FAM186A: variants seen among roughly 807,000 people sequenced by gnomAD.
The protein encoded by FAM186A is family with sequence similarity 186 member A, also known as protein FAM186A.
Under a neutral mutation model 216.8 loss-of-function variants are expected in FAM186A, and 163 were observed. The observed-to-expected ratio is 0.75, with a 90% confidence interval of 0.66 to 0.86. FAM186A has a LOEUF of 0.86. Ranked by LOEUF, FAM186A falls within the 40% of genes least tolerant of loss-of-function variation. FAM186A has a pLI of 0.00. For synonymous variants in FAM186A, 805 were observed against 1,025.3 expected (o/e 0.79, Z 4.10); for missense variants, 2,184 against 2,746.2 (o/e 0.80, Z 4.58).
Position 50,353,364 on chromosome 12 carries a change from C to T in FAM186A, c.3468G>A (p.Gly1156=). 1 of 1,534,006 alleles carries T rather than the reference C, an allele frequency of 6.5e-7. No homozygotes were observed. The highest frequency in any genetic ancestry group is 8.8e-7 in the Non-Finnish European group (1 of 1,140,122). Residue 1156 remains glycine, a synonymous_variant, in exon 4 of 8, where the codon GGG becomes GGA. Transcript: ENST00000327337. ...TLTPQQDQAP[G]ISLTTQQAQK... is the part of the protein sequence containing the mutation. ...GAGCCTGCTGAGTGGTGAGAGAGAT[C>T]CCCGGGGCCTGGTCCTGCTGAGGGG...
At chr12:50,346,223 A>G (rs369931435) in intron 4 of FAM186A, among the ~76,000 whole-genome samples, 24,207 of 46,450 alleles carry the variant, frequency 0.52, 5,272 homozygotes, top group South Asian at 0.63. Flanking sequence ...GAGAGAAGGA[A>G]AGAAAGAAAG....
At chr12:50,390,896 C>T (rs1943350719) in intron 1 of FAM186A, among the ~76,000 whole-genome samples, 1 of 152,088 alleles carries the variant, frequency 6.6e-6, no homozygotes, top group African/African-American at 2.4e-5. Context: ...CGCCATGTTG[C>T]CTAGGGTGGT....
chr12:50,364,977 G>T (rs1439318178), intron 1 of FAM186A, among the ~76,000 whole-genome samples: 2 of 145,864 alleles, frequency 1.4e-5, no homozygotes, highest in Non-Finnish European at 3.0e-5. Context: ...GGTAAAGGTT[G>T]CAGTGAGCCG....
At chr12:50,377,096 T>C (rs1226073409) in intron 1 of FAM186A, among the ~76,000 whole-genome samples, 1 of 151,598 alleles carries the variant, frequency 6.6e-6, no homozygotes, top group Non-Finnish European at 1.5e-5. Context: ...CTTCTGGAAG[T>C]GGAAAAAACA....
At chr12:50,340,285 T>C (rs1334397772) in intron 4 of FAM186A, among the ~76,000 whole-genome samples, 1 of 152,182 alleles carries the variant, frequency 6.6e-6, no homozygotes, top group African/African-American at 2.4e-5. Flanking sequence ...GATATAATCA[T>C]CTCTTTGTGT....
intron 1 of FAM186A, among the ~76,000 whole-genome samples, chr12:50,383,274 A>G (rs1364207195): frequency 3.3e-4 from 34 of 103,620 alleles, no homozygotes; most frequent in South Asian, 6.8e-4. Flanking sequence ...AAAAAAAAAA[A>G]AAAAAGAGAG....
At chr12:50,331,260 G>A (rs1351535717) in intron 6 of FAM186A, among the ~76,000 whole-genome samples, 1 of 150,314 alleles carries the variant, frequency 6.7e-6, no homozygotes, top group Non-Finnish European at 1.5e-5. Context: ...CTTTTTTTTT[G>A]AGACAGAGTT....
chr12:50,369,633 G>A (rs1016842771), intron 1 of FAM186A, among the ~76,000 whole-genome samples: 15 of 151,976 alleles, frequency 9.9e-5, no homozygotes, highest in Non-Finnish European at 2.2e-4. Context: ...TCCACTAAGG[G>A]TTAATATCCA....
rs142109911 is a variant in FAM186A, at chr12:50,395,465, T to G, written c.192+828A>C. Among the ~76,000 whole-genome samples, 520 of 152,110 alleles carry G rather than the reference T, an allele frequency of 3.4e-3. 5 individuals carry two copies. The highest frequency in any genetic ancestry group is 1.0e-2 in the African/African-American group (414 of 41,526). On this transcript the variant is annotated intron_variant, in intron 1 of 7. Transcript: ENST00000327337. ...GGGGGTCTATTAGATTCTTATGTAT[T>G]TATTTATTTATTTATTTTTCTAAAA... is the stretch of plus-strand genomic sequence containing the variant.
chr12:50,345,861 C>T (rs1298604552), intron 4 of FAM186A, among the ~76,000 whole-genome samples: 1 of 151,840 alleles, frequency 6.6e-6, no homozygotes, highest in Non-Finnish European at 1.5e-5. Context: ...ATGAATTTTA[C>T]AATAGTTTTT....
chr12:50,392,037 C>A (rs1943361530), intron 1 of FAM186A, among the ~76,000 whole-genome samples: 1 of 150,558 alleles, frequency 6.6e-6, no homozygotes, highest in Non-Finnish European at 1.5e-5. Flanking sequence ...AAGTGAAAGA[C>A]GTGAGGCAGA....
At chr12:50,374,087 T>C (rs1348265082) in intron 1 of FAM186A, among the ~76,000 whole-genome samples, 1 of 138,180 alleles carries the variant, frequency 7.2e-6, no homozygotes, top group African/African-American at 2.7e-5. Context: ...CACTCATAGG[T>C]GGGAACTGAA....
chr12:50,378,128 G>A (rs1592629518), intron 1 of FAM186A, among the ~76,000 whole-genome samples: 1 of 152,130 alleles, frequency 6.6e-6, no homozygotes, highest in East Asian at 1.9e-4. Flanking sequence ...TGGAGGCTGA[G>A]GTAAGAGAAT....
At position 50,331,715 on chromosome 12, in the gene FAM186A, A is replaced by G. The variant is rs2138757111; in HGVS notation, c.6803T>C (p.Leu2268Ser). ...TTFVQKPFLK[L>S]LMEEDRTSDI... ...AGAGGTTCTGTCCTCTTCCATTAGT[A>G]ATTTTAAGAATGGCTTTTGAACAAA... The change falls in exon 6 of 8, where the codon TTA becomes TCA. Residue 2268 changes from leucine to serine, a missense_variant. Around this residue, in one of 7 missense-constraint regions of FAM186A, gnomAD observed 721 missense variants for 816.4 expected, o/e 0.88. Transcript: ENST00000327337. The G allele has an allele frequency of 6.5e-7, 1 of 1,549,320 alleles. No individual in the cohort carries two copies. Among genetic ancestry groups the G allele is most frequent in the East Asian group, 2.4e-5 (1 of 40,884 alleles).
At chr12:50,370,399 T>C (rs1387680558) in intron 1 of FAM186A, among the ~76,000 whole-genome samples, 1 of 150,914 alleles carries the variant, frequency 6.6e-6, no homozygotes. Context: ...TATATGAAAA[T>C]ATGTTCAACG....
intron 1 of FAM186A, among the ~76,000 whole-genome samples, chr12:50,367,458 C>T (rs1943100549): frequency 7.1e-6 from 1 of 140,830 alleles, no homozygotes; most frequent in South Asian, 2.2e-4. Context: ...GCAGAGCTTG[C>T]ATGAGCTGAG....
intron 1 of FAM186A, chr12:50,366,070 T>A (rs1943084784): frequency 1.4e-6 from 1 of 733,532 alleles, no homozygotes; most frequent in East Asian, 2.5e-5. Flanking sequence ...GAAGAAACAA[T>A]TGAGAAGATG....
intron 5 of FAM186A, among the ~76,000 whole-genome samples, 173 bp downstream of exon 5, chr12:50,333,738 G>A (rs77255509): frequency 0.011 from 1,738 of 152,202 alleles, 42 homozygotes; most frequent in African/African-American, 0.04. Flanking sequence ...CTGGCCTCTA[G>A]AACTGTGAGA....
chr12:50,378,709 C>T (rs1447366868), intron 1 of FAM186A, among the ~76,000 whole-genome samples: 1 of 150,616 alleles, frequency 6.6e-6, no homozygotes, highest in African/African-American at 2.4e-5. Flanking sequence ...AGTCAAGCCA[C>T]AATCTGGGAA....
Sources: gnomAD v4.1 joint callset for allele counts (sites outside exome capture counted in the v4.1 genomes callset) on GRCh38, gnomAD v4.1.1 for gene constraint, gnomAD v4.1.1 regional missense constraint, MANE v1.5 for transcripts, NCBI Gene and HGNC (gene_info 2026-07-23, HGNC 2026-07-21) for gene names.